Variants in RGS6 observed in about 807,000 individuals in gnomAD.
RGS6 encodes the protein regulator of G-protein signaling 6.
RGS6 carries 30 observed loss-of-function variants against 78.5 expected under a neutral mutation model. The observed-to-expected ratio is 0.38, with a 90% CI of 0.29 to 0.52. The LOEUF (loss-of-function observed/expected upper bound fraction) is 0.52. Ranked by LOEUF, RGS6 falls within the 20% of genes least tolerant of loss-of-function variation. The pLI is 0.85. For missense variants in RGS6, 495 were observed against 609.7 expected (o/e 0.81, Z 1.98); for synonymous variants, 206 against 206.0 (o/e 1.00, Z 0.00).
At chr14:71,994,007 A>C (rs1171823692) in intron 2 of RGS6, among the ~76,000 whole-genome samples, 3 of 151,318 alleles carry the variant, frequency 2.0e-5, no homozygotes, top group African/African-American at 4.9e-5. Context: ...GTTGCCTACA[A>C]ATTTATATCC....
intron 2 of RGS6, among the ~76,000 whole-genome samples, chr14:72,027,679 A>G (rs990339404): frequency 2.0e-5 from 3 of 152,172 alleles, no homozygotes; most frequent in East Asian, 1.9e-4. Context: ...GTAGAGTCTC[A>G]AGCCATTGTG....
intron 2 of RGS6, among the ~76,000 whole-genome samples, chr14:72,347,751 GC>G (rs1186524583): frequency 6.6e-6 from 1 of 152,162 alleles, no homozygotes; most frequent in Non-Finnish European, 1.5e-5. Context: ...GAGATGAGAC[GC>G]TGTGTATATA....
At chr14:72,624,453 C>T in the RGS6 span, among the ~76,000 whole-genome samples, 3 of 150,594 alleles carry the variant, frequency 2.0e-5, no homozygotes, top group Admixed American at 1.3e-4. Flanking sequence ...ATTCTCCTGC[C>T]TCAGCGTCCT....
chr14:72,256,087 C>T lies in RGS6; in HGVS notation c.85-96008C>T, dbSNP rs117765589. On this transcript the variant is annotated intron_variant, in intron 2 of 17. Transcript: ENST00000553525. ...AGGCACTGAGACAGTAGTGTTGCAGCGAGAAAGATTTAATTATTGCTAGGC... is the reference window on the plus strand; with the variant it reads ...AGGCACTGAGACAGTAGTGTTGCAGTGAGAAAGATTTAATTATTGCTAGGC... 6.1e-3 allele frequency among the ~76,000 whole-genome samples: 925 copies of T among 152,232 alleles called. 5 individuals carry two copies. The highest frequency in any genetic ancestry group is 0.011 in the Non-Finnish European group (755 of 68,006).
chr14:72,022,141 T>C (rs1375667063), intron 2 of RGS6, among the ~76,000 whole-genome samples: 1 of 152,218 alleles, frequency 6.6e-6, no homozygotes, highest in East Asian at 1.9e-4. Flanking sequence ...TTTCATGATA[T>C]ATACGTACCA....
At chr14:72,013,888 G>C (rs2086397222) in intron 2 of RGS6, among the ~76,000 whole-genome samples, 1 of 152,154 alleles carries the variant, frequency 6.6e-6, no homozygotes, top group Non-Finnish European at 1.5e-5. Flanking sequence ...ACTCCGTGCT[G>C]GTCGTGTTCT....
At chr14:71,918,829 A>AT in the RGS6 span, among the ~76,000 whole-genome samples, 1 of 152,106 alleles carries the variant, frequency 6.6e-6, no homozygotes. Context: ...CAATTGTTCT[A>AT]TTTTTTACGG....
chr14:72,486,171 C>T (rs2096485480), intron 12 of RGS6, among the ~76,000 whole-genome samples: 2 of 152,136 alleles, frequency 1.3e-5, no homozygotes, highest in South Asian at 4.1e-4. Context: ...CTTCCCCTTC[C>T]CCCATGATTG....
intron 9 of RGS6, among the ~76,000 whole-genome samples, chr14:72,473,219 G>A (rs1264042266): frequency 6.6e-6 from 1 of 152,214 alleles, no homozygotes; most frequent in Admixed American, 6.5e-5. Context: ...CGAGGTGGGT[G>A]GATCACGAGG....
intron 2 of RGS6, among the ~76,000 whole-genome samples, chr14:71,986,457 A>G (rs1230875163): frequency 6.6e-6 from 1 of 152,118 alleles, no homozygotes; most frequent in African/African-American, 2.4e-5. Context: ...TAATTCCAGC[A>G]CTTTGGGAGG....
chr14:72,555,260 C>T (rs114481209), intron 17 of RGS6, among the ~76,000 whole-genome samples: 3,793 of 152,284 alleles, frequency 0.025, 135 homozygotes, highest in African/African-American at 0.085. Context: ...ACAAACAGAA[C>T]GGTGGGTTCA....
At chr14:72,560,075 T>C (rs956397327) in intron 17 of RGS6, among the ~76,000 whole-genome samples, 1 of 152,008 alleles carries the variant, frequency 6.6e-6, no homozygotes, top group Non-Finnish European at 1.5e-5. Context: ...ATGTACTCAT[T>C]GGCAACAGAC....
chr14:71,904,408 A>C, the RGS6 span, among the ~76,000 whole-genome samples: 1 of 152,212 alleles, frequency 6.6e-6, no homozygotes, highest in Admixed American at 6.5e-5. Context: ...AATAATCAGG[A>C]AAGGGGAGTT....
At chr14:72,251,927 A>AT (rs1172769386) in intron 2 of RGS6, among the ~76,000 whole-genome samples, 5 of 152,200 alleles carry the variant, frequency 3.3e-5, no homozygotes, top group African/African-American at 1.2e-4. Flanking sequence ...GGCCTTATAC[A>AT]TTTTCTAATG....
At chr14:72,356,348 C>A (rs1000300508) in intron 3 of RGS6, among the ~76,000 whole-genome samples, 2 of 152,168 alleles carry the variant, frequency 1.3e-5, no homozygotes, top group African/African-American at 4.8e-5. Flanking sequence ...GTAAGACATG[C>A]CTTTTTTCCC....
chr14:72,462,864 T>C (rs1311672128), intron 6 of RGS6, among the ~76,000 whole-genome samples: 3 of 152,160 alleles, frequency 2.0e-5, no homozygotes, highest in Non-Finnish European at 4.4e-5. Flanking sequence ...AATTCTTTGG[T>C]TCTAAAAAGT....
the RGS6 span, among the ~76,000 whole-genome samples, chr14:72,594,061 G>A: frequency 9.9e-5 from 15 of 152,196 alleles, no homozygotes; most frequent in East Asian, 1.7e-3. Context: ...CTATCTCCCC[G>A]CAAGCCCCAA....
At chr14:71,907,858 A>G in the RGS6 span, among the ~76,000 whole-genome samples, 1 of 152,138 alleles carries the variant, frequency 6.6e-6, no homozygotes, top group Non-Finnish European at 1.5e-5. Flanking sequence ...CCTCTAGTGT[A>G]TATCTGACAG....
intron 3 of RGS6, among the ~76,000 whole-genome samples, chr14:72,409,087 CAG>C (rs945069196): frequency 6.6e-6 from 1 of 152,116 alleles, no homozygotes; most frequent in African/African-American, 2.4e-5. Context: ...ATAATAAAAA[CAG>C]AGATTCCAGT....
Sources: allele counts gnomAD v4.1 joint callset (sites outside exome capture counted in the v4.1 genomes callset), GRCh38; gene constraint gnomAD v4.1.1; transcripts MANE v1.5; gene names NCBI Gene and HGNC (gene_info 2026-07-23, HGNC 2026-07-21).